STK32B: variants seen among roughly 807,000 people sequenced by gnomAD.
STK32B encodes serine/threonine-protein kinase 32B.
Under a neutral mutation model 52.6 loss-of-function variants are expected in STK32B, and 43 were observed. The observed-to-expected ratio is 0.82, with a 90% CI of 0.64 to 1.05. The LOEUF (loss-of-function observed/expected upper bound fraction) is 1.05. STK32B is among the 50% of genes least tolerant of loss of function. STK32B has a pLI of 0.00. For synonymous variants in STK32B, 238 were observed against 204.3 expected (o/e 1.17, Z -1.41); for missense variants, 621 against 534.6 (o/e 1.16, Z -1.59).
Position 5,317,199 on chromosome 4 carries a change from A to AT in STK32B, c.261-14020dup, listed in dbSNP as rs1312544051. Among the ~76,000 whole-genome samples, 2 of 56,704 alleles carry AT rather than the reference A, an allele frequency of 3.5e-5. 1 individual carries two copies. The highest frequency in any genetic ancestry group is 2.3e-4 in the African/African-American group (2 of 8,556). The allele number at this position is 56,704 out of a possible 152,430, so 37.2% of individuals were successfully genotyped here. A position where few individuals can be genotyped will look rare whatever the true frequency, so the allele number is the denominator to read the frequency against. On this transcript the variant is annotated intron_variant, in intron 3 of 11. Transcript: ENST00000282908. Reference sequence around the variant, plus strand: ...TATAATATATATATATAACATATATATATTATATATATAACATATATATAT... The same window carrying AT: ...TATAATATATATATATAACATATATATTATTATATATATAACATATATATAT...
At chr4:5,279,635 G>C (rs942470666) in intron 3 of STK32B, among the ~76,000 whole-genome samples, 5 of 152,186 alleles carry the variant, frequency 3.3e-5, no homozygotes, top group Non-Finnish European at 7.3e-5. Context: ...CTGTATTGGA[G>C]CTCCAACCCC....
At position 5,336,088 on chromosome 4, in the gene STK32B, C is replaced by T. The variant is rs1175224669; in HGVS notation, c.434+4695C>T. On this transcript the variant is annotated intron_variant, in intron 4 of 11. Transcript: ENST00000282908. The stretch of plus-strand genomic sequence containing the variant: ...CCTGGGCTAAAGGACATCAAGCCTG[C>T]CTGGGTTGGGATACTGTACTAACAA... Among the ~76,000 whole-genome samples the T allele has an allele frequency of 4.0e-5, 6 of 149,066 alleles. No homozygotes were observed. The Admixed American group carries it at 4.1e-4, about 10-fold the overall frequency.
chr4:5,473,800 C>G (rs62299783), intron 11 of STK32B, among the ~76,000 whole-genome samples: 1 of 152,088 alleles, frequency 6.6e-6, no homozygotes, highest in Non-Finnish European at 1.5e-5. Flanking sequence ...TGACTAAGTC[C>G]GCAGCAGGGT....
At position 5,057,098 on chromosome 4, in the gene STK32B, A is replaced by G. The variant is rs144446941; in HGVS notation, c.52+5183A>G. On this transcript the variant is annotated intron_variant, in intron 1 of 11. Transcript: ENST00000282908. The stretch of plus-strand genomic sequence containing the variant: ...GTCTGCAAAGCCTAGAATAAGGCCA[A>G]TGAGGGCATAGAGCGGCCATTTGTT... 3.1e-3 allele frequency among the ~76,000 whole-genome samples: 479 copies of G among 152,356 alleles called. 1 individual carries two copies. The highest frequency in any genetic ancestry group is 8.0e-3 in the African/African-American group (334 of 41,588).
At chr4:5,479,123 G>GTTTTTT (rs5855856) in intron 11 of STK32B, among the ~76,000 whole-genome samples, 3 of 139,402 alleles carry the variant, frequency 2.2e-5, no homozygotes, top group Non-Finnish European at 4.6e-5. Context: ...TTTTGTTTTT[G>GTTTTTT]TTTTTTTTTT....
chr4:5,158,084 C>T (rs1378320485), intron 2 of STK32B, among the ~76,000 whole-genome samples: 4 of 152,198 alleles, frequency 2.6e-5, no homozygotes, highest in Non-Finnish European at 5.9e-5. Flanking sequence ...ACAGGAAATG[C>T]AGGCTCACTC....
chr4:5,342,949 A>G (rs574852519), intron 4 of STK32B, among the ~76,000 whole-genome samples: 1 of 152,172 alleles, frequency 6.6e-6, no homozygotes, highest in Non-Finnish European at 1.5e-5. Context: ...CTGACCAAAT[A>G]TTCTTTTTTC....
At chr4:5,112,992 A>C (rs763944810) in intron 1 of STK32B, among the ~76,000 whole-genome samples, 2 of 152,206 alleles carry the variant, frequency 1.3e-5, no homozygotes, top group Non-Finnish European at 2.9e-5. Context: ...GAAGAGACTG[A>C]CAATAACCAA....
At chr4:5,492,271 G>T (rs1428607047) in intron 11 of STK32B, among the ~76,000 whole-genome samples, 1 of 152,112 alleles carries the variant, frequency 6.6e-6, no homozygotes, top group Admixed American at 6.5e-5. Context: ...GTGGCTTGTA[G>T]TTCTCCTTGA....
intron 1 of STK32B, among the ~76,000 whole-genome samples, chr4:5,133,654 A>G (rs1046341063): frequency 3.9e-5 from 6 of 152,224 alleles, no homozygotes; most frequent in Non-Finnish European, 8.8e-5. Context: ...TGCTGATTAT[A>G]TAATAGTCTT....
At chr4:5,317,076 T>A (rs1370467897) in intron 3 of STK32B, among the ~76,000 whole-genome samples, 10 of 46,406 alleles carry the variant, frequency 2.2e-4, no homozygotes, top group Non-Finnish European at 3.1e-4. Flanking sequence ...ATATATTATA[T>A]ATTATATATA....
intron 1 of STK32B, among the ~76,000 whole-genome samples, chr4:5,073,819 T>C (rs889227248): frequency 6.6e-6 from 1 of 152,066 alleles, no homozygotes; most frequent in Non-Finnish European, 1.5e-5. Flanking sequence ...CTTGACTTTG[T>C]TTTTTTCTGA....
chr4:5,101,216 T>C (rs571759228), intron 1 of STK32B, among the ~76,000 whole-genome samples: 1 of 152,264 alleles, frequency 6.6e-6, no homozygotes, highest in South Asian at 2.1e-4. Context: ...GGACAAGATT[T>C]TTTTCAGCCC....
At chr4:5,335,527 A>G (rs1179035267) in intron 4 of STK32B, among the ~76,000 whole-genome samples, 1 of 151,752 alleles carries the variant, frequency 6.6e-6, no homozygotes, top group African/African-American at 2.4e-5. Context: ...CTAGCTTTTG[A>G]ATGTGGTTGC....
At position 5,208,827 on chromosome 4, in the gene STK32B, A is replaced by G. The variant is rs369983603; in HGVS notation, c.260+40377A>G. Among the ~76,000 whole-genome samples the G allele has an allele frequency of 2.6e-5, 4 of 152,358 alleles. No homozygotes were observed. In the East Asian group the frequency reaches 5.8e-4, roughly 22 times the overall value. ...ATTCTGGCTTGATTCACCCAAATCA[A>G]GCCCATCTGGTAGATATGATTATTT... On this transcript the variant is annotated intron_variant, in intron 3 of 11. Coordinates refer to ENST00000282908, the MANE Select transcript of STK32B (RefSeq NM_018401.3).
intron 11 of STK32B, among the ~76,000 whole-genome samples, chr4:5,480,537 G>C (rs1348443559): frequency 3.9e-5 from 6 of 152,100 alleles, no homozygotes; most frequent in Admixed American, 6.5e-5. Context: ...GGGATCAATG[G>C]AAAAGAATGT....
At chr4:5,046,962 A>G (rs1299593893), upstream of STK32B, among the ~76,000 whole-genome samples, 1 of 152,230 alleles carries the variant, frequency 6.6e-6, no homozygotes, top group African/African-American at 2.4e-5. Context: ...GAGAAATACC[A>G]TTTGACCCAG....
At chr4:5,489,621 A>ATTTATTTTTTT (rs1719532914) in intron 11 of STK32B, among the ~76,000 whole-genome samples, 2 of 151,590 alleles carry the variant, frequency 1.3e-5, no homozygotes, top group East Asian at 4.0e-4. Context: ...TATTTTATTT[A>ATTTATTTTTTT]TTTTTTATTA....
At chr4:5,218,520 A>G (rs1354604000) in intron 3 of STK32B, among the ~76,000 whole-genome samples, 1 of 152,226 alleles carries the variant, frequency 6.6e-6, no homozygotes, top group Non-Finnish European at 1.5e-5. Flanking sequence ...AGTCAGGACT[A>G]TAGCCTGAAA....
Sources: gnomAD v4.1 joint callset for allele counts (sites outside exome capture counted in the v4.1 genomes callset) on GRCh38, gnomAD v4.1.1 for gene constraint, MANE v1.5 for transcripts, NCBI Gene and HGNC (gene_info 2026-07-23, HGNC 2026-07-21) for gene names.